Variants in ZBED4 observed in about 807,000 individuals in gnomAD.
The protein encoded by ZBED4 is zinc finger BED domain-containing protein 4.
In ZBED4, 4 loss-of-function variants were observed where a neutral mutation model predicts 15.5. That is an observed-to-expected ratio of 0.26 (90% CI 0.13 to 0.59). The LOEUF is 0.59. ZBED4 is among the 20% of genes least tolerant of loss of function. The pLI, the probability that ZBED4 is intolerant of heterozygous loss-of-function variation, is 0.90. For missense variants in ZBED4, 1,323 were observed against 1,461.8 expected (o/e 0.91, Z 1.55); for synonymous variants, 692 against 608.5 (o/e 1.14, Z -2.02).
In ZBED4 at chr22:49,883,862, G is replaced by A. The variant is rs1468145068; in HGVS notation, c.200G>A (p.Ser67Asn). Reference protein sequence around the residue: ...ERAGLGGTGCSCKPPGKYLSA... With the variant: ...ERAGLGGTGCNCKPPGKYLSA... The stretch of plus-strand genomic sequence containing the variant: ...GCGGGCCTCGGTGGGACGGGTTGCA[G>A]CTGCAAGCCCCCGGGGAAGTACTTG... Residue 67 changes from serine (S) to asparagine (N), a missense_variant, in exon 2 of 2, where the codon AGC becomes AAC. Coordinates refer to ENST00000216268, the MANE Select transcript of ZBED4 (RefSeq NM_014838.3). The A allele has an allele frequency of 6.2e-6, 10 of 1,607,580 alleles. No individual in the cohort carries two copies. Among genetic ancestry groups the A allele is most frequent in the Non-Finnish European group, 8.5e-6 (10 of 1,175,234 alleles).
chr22:49,863,498 G>A (rs948670094), intron 1 of ZBED4, among the ~76,000 whole-genome samples: 7 of 152,274 alleles, frequency 4.6e-5, no homozygotes, highest in African/African-American at 1.4e-4. Flanking sequence ...GTGGTGGCGA[G>A]TGCCTGTAAT....
chr22:49,863,399 C>T (rs1263985705), intron 1 of ZBED4, among the ~76,000 whole-genome samples: 2 of 152,184 alleles, frequency 1.3e-5, no homozygotes, highest in Non-Finnish European at 2.9e-5. Context: ...GAGGCCGAGG[C>T]AGGCGGATCA....
At position 49,888,848 on chromosome 22, in the gene ZBED4, C is replaced by T. The variant is rs1805185347; in HGVS notation, c.*1670C>T. 6.0e-6 allele frequency: 1 copy of T among 167,256 alleles called. No homozygotes were observed. Among genetic ancestry groups the T allele is most frequent in the Non-Finnish European group, 1.5e-5 (1 of 68,176 alleles). 10.4% of individuals were successfully genotyped at this position (167,256 alleles called of 1,614,324 possible). ...CAGAGGAGGTGGGGTCCATGGCCCA[C>T]CCATCTCTCCCTCGCCAGCAGCCCT... On this transcript the variant is annotated 3_prime_UTR_variant, in exon 2 of 2. Transcript: ENST00000216268.
chr22:49,878,871 G>A (rs573905291), intron 1 of ZBED4, among the ~76,000 whole-genome samples: 3 of 152,100 alleles, frequency 2.0e-5, no homozygotes, highest in East Asian at 3.9e-4. Flanking sequence ...TGGGCCAGGC[G>A]TGGTGGCTCA....
intron 1 of ZBED4, among the ~76,000 whole-genome samples, chr22:49,872,743 C>G (rs191677594): frequency 1.4e-3 from 218 of 151,536 alleles, no homozygotes; most frequent in African/African-American, 5.1e-3. Flanking sequence ...CTCACTCCAT[C>G]GCCCAGGCTG....
rs58224171 is a variant in ZBED4, at chr22:49,871,757, A to ATTTT, written c.-329-11565_-329-11562dup. The stretch of plus-strand genomic sequence containing the variant: ...GCTGTGACAATTTATTTATTTATTT[A>ATTTT]TTTTTTTTTTTTTTTGAGACAGAGT... On this transcript the variant is annotated intron_variant, in intron 1 of 1. Coordinates refer to ENST00000216268, the MANE Select transcript of ZBED4 (RefSeq NM_014838.3). Among the ~76,000 whole-genome samples, 331 of 62,156 alleles carry ATTTT rather than the reference A, an allele frequency of 5.3e-3. 2 individuals carry two copies. Among genetic ancestry groups the ATTTT allele is most frequent in the East Asian group, 0.028 (44 of 1,562 alleles). 40.8% of individuals were successfully genotyped at this position (62,156 alleles called of 152,430 possible).
At chr22:49,868,884 G>C (rs1343541371) in intron 1 of ZBED4, among the ~76,000 whole-genome samples, 3 of 151,102 alleles carry the variant, frequency 2.0e-5, no homozygotes, top group Non-Finnish European at 4.4e-5. Flanking sequence ...GGCCAAGGCA[G>C]GCGGATCACC....
intron 1 of ZBED4, among the ~76,000 whole-genome samples, chr22:49,856,997 T>C (rs566684255): frequency 1.3e-5 from 2 of 152,208 alleles, no homozygotes; most frequent in Non-Finnish European, 2.9e-5. Context: ...GATGGGGTTG[T>C]GACTGCTGCA....
At chr22:49,861,142 C>T (rs1391871863) in intron 1 of ZBED4, among the ~76,000 whole-genome samples, 1 of 152,182 alleles carries the variant, frequency 6.6e-6, no homozygotes, top group African/African-American at 2.4e-5. Context: ...AACTCATTTC[C>T]CCTCCTGTCT....
At chr22:49,854,627 C>A (rs2060267057) in intron 1 of ZBED4, among the ~76,000 whole-genome samples, 1 of 152,314 alleles carries the variant, frequency 6.6e-6, no homozygotes, top group Non-Finnish European at 1.5e-5. Context: ...TTTGTTTCTT[C>A]TTTTGTCCCG....
intron 1 of ZBED4, among the ~76,000 whole-genome samples, chr22:49,871,051 A>G (rs1259137370): frequency 6.6e-6 from 1 of 150,654 alleles, no homozygotes; most frequent in East Asian, 2.0e-4. Flanking sequence ...AGCAATTCTC[A>G]TGCCTCAGCC....
chr22:49,883,870 C>G lies in ZBED4; in HGVS notation c.208C>G (p.Pro70Ala), dbSNP rs750749813. The change falls in exon 2 of 2, where the codon CCC (proline) becomes GCC (alanine). Residue 70 changes from proline (P) to alanine (A), a missense_variant. Coordinates refer to ENST00000216268, the MANE Select transcript of ZBED4 (RefSeq NM_014838.3). ...GLGGTGCSCK[P>A]PGKYLSAESE... Reference sequence around the variant, plus strand: ...CGGTGGGACGGGTTGCAGCTGCAAGCCCCCGGGGAAGTACTTGTCTGCAGA... The same window carrying G: ...CGGTGGGACGGGTTGCAGCTGCAAGGCCCCGGGGAAGTACTTGTCTGCAGA... 1 of 1,605,636 alleles carries G rather than the reference C, an allele frequency of 6.2e-7. No individual in the cohort carries two copies. Among genetic ancestry groups the G allele is most frequent in the South Asian group, 1.1e-5 (1 of 90,776 alleles).
At chr22:49,858,784 G>A (rs991527699) in intron 1 of ZBED4, among the ~76,000 whole-genome samples, 13 of 152,158 alleles carry the variant, frequency 8.5e-5, no homozygotes, top group Admixed American at 5.2e-4. Flanking sequence ...GTCCCCCAAC[G>A]TCTTTACTAG....
chr22:49,886,859 C>T lies in ZBED4; in HGVS notation c.3197C>T (p.Ser1066Leu), dbSNP rs1175260621. 6.2e-7 allele frequency: 1 copy of T among 1,613,954 alleles called. No homozygotes were observed. The highest frequency in any genetic ancestry group is 8.5e-7 in the Non-Finnish European group (1 of 1,180,038). Residue 1066 changes from serine to leucine, a missense_variant, in exon 2 of 2, where the codon TCA becomes TTA. Coordinates refer to ENST00000216268, the MANE Select transcript of ZBED4 (RefSeq NM_014838.3). The surrounding 1 kb of genome is among the most constrained non-coding windows in gnomAD (Gnocchi z 7.7). ...KDSAAEENLW[S>L]LVAKVKKKDP... ...TCTGCCGCAGAGGAGAACCTGTGGT[C>T]ACTTGTGGCCAAGGTGAAGAAGAAA...
chr22:49,878,690 CAT>C (rs1409969666), intron 1 of ZBED4, among the ~76,000 whole-genome samples: 39 of 152,288 alleles, frequency 2.6e-4, no homozygotes, highest in Middle Eastern at 3.4e-3. Context: ...ATAAAGAACA[CAT>C]GAGTGAAGTG....
At chr22:49,864,820 C>CAAAAAAAA (rs71196384) in intron 1 of ZBED4, among the ~76,000 whole-genome samples, 3 of 66,984 alleles carry the variant, frequency 4.5e-5, no homozygotes, top group African/African-American at 2.0e-4. Flanking sequence ...ACCCTGTCTC[C>CAAAAAAAA]AAAAAAAAAA....
intron 1 of ZBED4, among the ~76,000 whole-genome samples, chr22:49,861,208 G>A (rs549038290): frequency 1.5e-4 from 23 of 151,922 alleles, no homozygotes; most frequent in African/African-American, 5.6e-4. Flanking sequence ...TTTCTTGTTT[G>A]TTTGTTATGA....
At chr22:49,880,457 G>A (rs2060403164) in intron 1 of ZBED4, among the ~76,000 whole-genome samples, 1 of 152,196 alleles carries the variant, frequency 6.6e-6, no homozygotes, top group South Asian at 2.1e-4. Context: ...TCCCCGCCCC[G>A]CAGCCTGGAA....
At chr22:49,865,273 G>A (rs552809852) in intron 1 of ZBED4, among the ~76,000 whole-genome samples, 11 of 152,120 alleles carry the variant, frequency 7.2e-5, no homozygotes, top group Admixed American at 1.3e-4. Flanking sequence ...AGATGGTGTC[G>A]TTATCTTATG....
Sources: allele counts gnomAD v4.1 joint callset (sites outside exome capture counted in the v4.1 genomes callset), GRCh38; gene constraint gnomAD v4.1.1; non-coding constraint Gnocchi (gnomAD v3.1); transcripts MANE v1.5; gene names NCBI Gene and HGNC (gene_info 2026-07-23, HGNC 2026-07-21).